Variants in CYP7B1 observed in about 807,000 individuals in gnomAD.
CYP7B1 encodes the protein cytochrome P450 7B1.
Under a neutral mutation model 42.7 loss-of-function variants are expected in CYP7B1, and 29 were observed. The observed-to-expected ratio is 0.68, with a 90% CI of 0.51 to 0.93. The LOEUF is 0.93. Among genes scored for constraint, CYP7B1 ranks in the 40% least tolerant of loss-of-function variants. The pLI is 0.00. For synonymous variants in CYP7B1, 235 were observed against 218.2 expected, an observed-to-expected ratio of 1.08 and a Z score of -0.68; for missense variants, 655 against 600.5, an observed-to-expected ratio of 1.09 and a Z score of -0.95.
chr8:64,677,871 T>TTCTACCTTCAAAA (rs1806475642), intron 1 of CYP7B1, among the ~76,000 whole-genome samples: 1 of 151,992 alleles, frequency 6.6e-6, no homozygotes, highest in Non-Finnish European at 1.5e-5. Context: ...CTCATTGTTG[T>TTCTACCTTCAAAA]TATTATTACT....
intron 1 of CYP7B1, among the ~76,000 whole-genome samples, chr8:64,738,202 T>C (rs1189098751): frequency 1.3e-5 from 2 of 152,200 alleles, no homozygotes; most frequent in South Asian, 2.1e-4. Flanking sequence ...TCTGGAGTAA[T>C]TAAAAATTTA....
intron 1 of CYP7B1, among the ~76,000 whole-genome samples, chr8:64,644,882 G>T (rs1305518215): frequency 6.6e-6 from 1 of 150,716 alleles, no homozygotes; most frequent in Non-Finnish European, 1.5e-5. Context: ...TTAGCATTAG[G>T]TATATCTCCT....
intron 1 of CYP7B1, among the ~76,000 whole-genome samples, chr8:64,639,226 A>G (rs1013086281): frequency 1.3e-5 from 2 of 152,126 alleles, no homozygotes; most frequent in South Asian, 2.1e-4. Context: ...ATTATTGTCA[A>G]TGAACATTTA....
At chr8:64,689,618 T>C (rs1806708415) in intron 1 of CYP7B1, among the ~76,000 whole-genome samples, 1 of 151,616 alleles carries the variant, frequency 6.6e-6, no homozygotes, top group African/African-American at 2.4e-5. Context: ...CAGACTGGAG[T>C]GAAGTGGCAC....
intron 1 of CYP7B1, among the ~76,000 whole-genome samples, chr8:64,756,502 A>C (rs1396031831): frequency 6.6e-6 from 1 of 152,232 alleles, no homozygotes; most frequent in Non-Finnish European, 1.5e-5. Context: ...ACTATCAAAG[A>C]GTAGAGGAAA....
At chr8:64,681,160 A>G (rs1483030171) in intron 1 of CYP7B1, among the ~76,000 whole-genome samples, 1 of 152,234 alleles carries the variant, frequency 6.6e-6, no homozygotes, top group Non-Finnish European at 1.5e-5. Flanking sequence ...CTAATTATCT[A>G]TGAAAAGATA....
chr8:64,675,223 A>T (rs1268747510), intron 1 of CYP7B1, among the ~76,000 whole-genome samples: 1 of 152,052 alleles, frequency 6.6e-6, no homozygotes, highest in East Asian at 1.9e-4. Context: ...CATTCCTCCT[A>T]ACCTAGTCCT....
At position 64,591,352 on chromosome 8, in the gene CYP7B1, GTATC is replaced by G. The variant is rs1297833446; in HGVS notation, c.*5286_*5289del. Among the ~76,000 whole-genome samples the G allele has an allele frequency of 1.2e-4, 19 of 152,078 alleles. No individual in the cohort carries two copies. The highest frequency in any genetic ancestry group is 9.8e-4 in the Admixed American group (15 of 15,260). ...TTCTGAATTCAATATGTTAATATGA[GTATC>G]TAATTATGCAATACAAGTAAACAAT... On this transcript the variant is annotated 3_prime_UTR_variant, in exon 6 of 6. Coordinates refer to ENST00000310193, the MANE Select transcript of CYP7B1 (RefSeq NM_004820.5).
intron 1 of CYP7B1, among the ~76,000 whole-genome samples, chr8:64,695,331 T>C (rs1043150391): frequency 6.6e-6 from 1 of 152,130 alleles, no homozygotes; most frequent in African/African-American, 2.4e-5. Flanking sequence ...AGGGGCGATG[T>C]ACATCAGTAG....
Position 64,709,820 on chromosome 8 carries a change from T to C in CYP7B1, c.123-85281A>G, listed in dbSNP as rs948532446. 2.0e-5 allele frequency among the ~76,000 whole-genome samples: 3 copies of C among 152,262 alleles called. No homozygotes were observed. The East Asian group carries it at 5.8e-4, about 29-fold the overall frequency. On this transcript the variant is annotated intron_variant, in intron 1 of 5. Coordinates refer to ENST00000310193, the MANE Select transcript of CYP7B1 (RefSeq NM_004820.5). Reference sequence around the variant, plus strand: ...CAGAAACACTTAAGATTGTTGAAAATTAAGCACAATAGATTGCAGAGGATT... The same window carrying C: ...CAGAAACACTTAAGATTGTTGAAAACTAAGCACAATAGATTGCAGAGGATT...
At chr8:64,606,638 A>C (rs1343353530) in intron 4 of CYP7B1, among the ~76,000 whole-genome samples, 2 of 152,204 alleles carry the variant, frequency 1.3e-5, no homozygotes, top group Non-Finnish European at 2.9e-5. Flanking sequence ...TTGGGCAAGC[A>C]TATCTTATGT....
intron 1 of CYP7B1, among the ~76,000 whole-genome samples, chr8:64,731,528 G>C (rs376582790): frequency 1.3e-5 from 2 of 152,316 alleles, no homozygotes; most frequent in African/African-American, 4.8e-5. Flanking sequence ...GGGCATAAAA[G>C]TTTGGAAACT....
At chr8:64,765,658 C>T (rs1212978835) in intron 1 of CYP7B1, among the ~76,000 whole-genome samples, 14 of 152,158 alleles carry the variant, frequency 9.2e-5, no homozygotes, top group Admixed American at 7.9e-4. Context: ...TGGGTGGTTA[C>T]GCACCCTGGA....
chr8:64,665,512 A>T (rs1270034488), intron 1 of CYP7B1, among the ~76,000 whole-genome samples: 1 of 149,652 alleles, frequency 6.7e-6, no homozygotes, highest in Non-Finnish European at 1.5e-5. Flanking sequence ...ACTTAGCCAA[A>T]CTGCTTCACC....
At chr8:64,751,283 G>A (rs950370815) in intron 1 of CYP7B1, among the ~76,000 whole-genome samples, 8 of 152,100 alleles carry the variant, frequency 5.3e-5, no homozygotes, top group East Asian at 3.9e-4. Flanking sequence ...CACACAATTC[G>A]CATACAGACA....
chr8:64,710,036 G>A (rs1336826652), intron 1 of CYP7B1, among the ~76,000 whole-genome samples: 2 of 151,980 alleles, frequency 1.3e-5, no homozygotes, highest in South Asian at 2.1e-4. Flanking sequence ...AATGGCACTC[G>A]GCTCATTTTT....
At chr8:64,797,532 C>T (rs533350152) in intron 1 of CYP7B1, among the ~76,000 whole-genome samples, 1 of 152,272 alleles carries the variant, frequency 6.6e-6, no homozygotes, top group South Asian at 2.1e-4. Flanking sequence ...AAGGCAAATA[C>T]TCCTAGAGTA....
intron 1 of CYP7B1, among the ~76,000 whole-genome samples, chr8:64,781,068 C>T (rs970947928): frequency 9.9e-5 from 15 of 152,108 alleles, no homozygotes; most frequent in African/African-American, 3.6e-4. Context: ...GAAATCAATG[C>T]TAATCTGTGA....
At chr8:64,721,714 G>A (rs570403462) in intron 1 of CYP7B1, among the ~76,000 whole-genome samples, 2 of 152,056 alleles carry the variant, frequency 1.3e-5, no homozygotes, top group African/African-American at 4.8e-5. Flanking sequence ...TTGTATAGAT[G>A]AAAATATTTA....
Sources: allele counts gnomAD v4.1 joint callset (sites outside exome capture counted in the v4.1 genomes callset), GRCh38; gene constraint gnomAD v4.1.1; transcripts MANE v1.5; gene names NCBI Gene and HGNC (gene_info 2026-07-23, HGNC 2026-07-21).